The following GDPD4 variants were observed in gnomAD, a reference collection of about 807,000 sequenced individuals.
GDPD4 encodes glycerophosphodiester phosphodiesterase domain containing 4.
GDPD4 carries 60 observed loss-of-function variants against 67.8 expected under a neutral mutation model. That is an observed-to-expected ratio of 0.88 (90% CI 0.72 to 1.10). The LOEUF is 1.10. Ranked by LOEUF, GDPD4 falls within the 50% of genes least tolerant of loss-of-function variation. The probability of loss-of-function intolerance (pLI) is 0.00; values close to 1 mark genes in which losing one functional copy is unlikely to be tolerated. For synonymous variants in GDPD4, 212 were observed against 210.9 expected (o/e 1.00, Z -0.04); for missense variants, 623 against 613.9 (o/e 1.01, Z -0.16).
intron 14 of GDPD4, among the ~76,000 whole-genome samples, chr11:77,230,770 C>T (rs1054147678): frequency 6.6e-6 from 1 of 152,184 alleles, no homozygotes; most frequent in African/African-American, 2.4e-5. Flanking sequence ...CCCTACACAA[C>T]GTGACTTAGC....
chr11:77,279,193 A>G (rs891562605), intron 4 of GDPD4, 113 bp downstream of exon 4: 1 of 635,790 alleles, frequency 1.6e-6, no homozygotes, highest in African/African-American at 1.8e-5. Flanking sequence ...CTAAGACAAG[A>G]GTGATCTTAG....
At chr11:77,275,313 C>T (rs1444030286) in intron 5 of GDPD4, among the ~76,000 whole-genome samples, 1 of 152,186 alleles carries the variant, frequency 6.6e-6, no homozygotes, top group East Asian at 1.9e-4. Flanking sequence ...TGGAAATATG[C>T]TGCATGCCTG....
At chr11:77,235,007 C>CTTTTTTTTTTT (rs1406558580) in intron 13 of GDPD4, among the ~76,000 whole-genome samples, 5 of 32,938 alleles carry the variant, frequency 1.5e-4, no homozygotes, top group South Asian at 1.5e-3. Context: ...TTGTCAATAT[C>CTTTTTTTTTTT]TGTTTTTTTT....
intron 11 of GDPD4, among the ~76,000 whole-genome samples, chr11:77,256,334 T>C (rs929548041): frequency 2.0e-5 from 3 of 152,218 alleles, no homozygotes; most frequent in Non-Finnish European, 4.4e-5. Context: ...TGTCTATATA[T>C]GAGACATATT....
intron 16 of GDPD4, among the ~76,000 whole-genome samples, chr11:77,223,953 CT>C (rs1958276719): frequency 6.6e-6 from 1 of 152,186 alleles, no homozygotes; most frequent in African/African-American, 2.4e-5. Flanking sequence ...ATCTGGACTG[CT>C]GCGCTAGTGG....
At chr11:77,265,406 T>C (rs1959173662) in intron 10 of GDPD4, among the ~76,000 whole-genome samples, 2 of 152,160 alleles carry the variant, frequency 1.3e-5, no homozygotes, top group South Asian at 2.1e-4. Context: ...GAATGGATCA[T>C]CTTCTGATTT....
rs376353628 is a variant in GDPD4, at chr11:77,245,426, A to T, written c.941T>A (p.Leu314Gln). 13 of 1,614,132 alleles carry T rather than the reference A, an allele frequency of 8.1e-6. No individual in the cohort carries two copies. The African/African-American group carries it at 1.6e-4, about 20-fold the overall frequency. The change falls in exon 12 of 17, where the codon CTA (leucine) becomes CAA (glutamine). Residue 314 changes from leucine (L) to glutamine (Q), a missense_variant. Coordinates refer to ENST00000315938, the MANE Select transcript of GDPD4 (RefSeq NM_182833.3). Reference protein sequence around the residue: ...ERARNQSIPTLADLLTLAEKE... With the variant: ...ERARNQSIPTQADLLTLAEKE... Reference sequence around the variant, plus strand: ...CTCTGCAAGTGTCAATAAATCAGCTAGTGTTGGAATTGACTGATTTCTTGC... The same window carrying T: ...CTCTGCAAGTGTCAATAAATCAGCTTGTGTTGGAATTGACTGATTTCTTGC...
chr11:77,262,092 A>G (rs1959130432), intron 10 of GDPD4, among the ~76,000 whole-genome samples: 1 of 152,168 alleles, frequency 6.6e-6, no homozygotes, highest in Non-Finnish European at 1.5e-5. Context: ...GGAATGGGAA[A>G]CTGGTTTTAG....
Position 77,258,539 on chromosome 11 carries a change from A to G in GDPD4, c.711T>C (p.Tyr237=). 6.2e-7 allele frequency: 1 copy of G among 1,613,862 alleles called. No homozygotes were observed. The highest frequency in any genetic ancestry group is 1.1e-5 in the South Asian group (1 of 91,064). The change falls in exon 11 of 17, where the codon TAT becomes TAC. Residue 237 remains tyrosine (Y), a synonymous_variant. Transcript: ENST00000315938. ...HGLETDIHLS[Y]DHVPFLMHDF... is the part of the protein sequence containing the mutation. ...CATGCATGAGGAAAGGCACATGATC[A>G]TAACTGAGGCAGAGGTAGAAAAGAA...
At chr11:77,243,911 T>C (rs1023569795) in intron 12 of GDPD4, 63 bp from the exon 13 acceptor site, 9 of 1,179,444 alleles carry the variant, frequency 7.6e-6, no homozygotes, top group South Asian at 5.2e-5. Flanking sequence ...AACAGCCCCA[T>C]AGAGAATGGA....
rs927115575 is a variant in GDPD4 at position 77,290,821 on chromosome 11, A to C, written c.-253-3401T>G. Reference sequence around the variant, plus strand: ...TTAGGGAAATGCAAATCAACACCACAGTGAGACATTATCTTACCCCTGTTA... The same window carrying C: ...TTAGGGAAATGCAAATCAACACCACCGTGAGACATTATCTTACCCCTGTTA... On this transcript the variant is annotated intron_variant, in intron 1 of 16. Transcript: ENST00000315938. 3.9e-5 allele frequency among the ~76,000 whole-genome samples: 6 copies of C among 152,226 alleles called. No homozygotes were observed. The South Asian group carries it at 6.2e-4, about 16-fold the overall frequency.
At chr11:77,244,284 C>T (rs1023555351) in intron 12 of GDPD4, among the ~76,000 whole-genome samples, 6 of 152,186 alleles carry the variant, frequency 3.9e-5, no homozygotes, top group African/African-American at 1.4e-4. Context: ...CCGCCCGCCT[C>T]GGCCTCCCAA....
chr11:77,268,520 A>G lies in GDPD4; in HGVS notation c.644T>C (p.Met215Thr). ...TTCAACAGCTTTCTCAAAGGACATC[A>G]TGGTATTCTCAGGCCCCAACTGTAG... ...GAPMLGPENT[M>T]MSFEKAVEHG... Residue 215 changes from methionine to threonine, a missense_variant, in exon 10 of 17, where the codon ATG (methionine) becomes ACG (threonine). Coordinates refer to ENST00000315938, the MANE Select transcript of GDPD4 (RefSeq NM_182833.3). 6.2e-7 allele frequency: 1 copy of G among 1,612,790 alleles called. No individual in the cohort carries two copies. The highest frequency in any genetic ancestry group is 1.7e-5 in the Admixed American group (1 of 60,004).
rs928216865 is a variant in GDPD4 at position 77,227,970 on chromosome 11, C to T, written c.1473-54G>A. The T allele has an allele frequency of 3.9e-5, 45 of 1,166,562 alleles. No individual in the cohort carries two copies. The Admixed American group carries it at 7.6e-4, about 20-fold the overall frequency. The allele number at this position is 1,166,562 out of a possible 1,614,324, so 72.3% of individuals were successfully genotyped here. Reference sequence around the variant, plus strand: ...GAAGGGGTCTAAAGAATCATGGTCTCTTCTAACGTTCCTCCTCCAGGATCT... The same window carrying T: ...GAAGGGGTCTAAAGAATCATGGTCTTTTCTAACGTTCCTCCTCCAGGATCT... On this transcript the variant is annotated intron_variant, in intron 15 of 16. Coordinates refer to ENST00000315938, the MANE Select transcript of GDPD4 (RefSeq NM_182833.3).
intron 5 of GDPD4, among the ~76,000 whole-genome samples, chr11:77,275,919 A>C (rs1453761341): frequency 6.6e-6 from 1 of 152,236 alleles, no homozygotes; most frequent in Non-Finnish European, 1.5e-5. Context: ...TTTAATAGGA[A>C]GTAGTGAGAA....
chr11:77,241,084 T>C (rs1958654866), intron 13 of GDPD4, among the ~76,000 whole-genome samples: 1 of 152,214 alleles, frequency 6.6e-6, no homozygotes, highest in Admixed American at 6.5e-5. Context: ...TGAGTATATA[T>C]CCAAAGGAAG....
intron 12 of GDPD4, among the ~76,000 whole-genome samples, chr11:77,244,547 T>C (rs1958742556): frequency 6.6e-6 from 1 of 152,142 alleles, no homozygotes; most frequent in Admixed American, 6.5e-5. Flanking sequence ...ATGTTAAAAA[T>C]CATCTTTGAG....
Position 77,221,044 on chromosome 11 carries a change from G to T in GDPD4, c.1526-3730C>A, listed in dbSNP as rs1248878295. On this transcript the variant is annotated intron_variant, in intron 16 of 16. Coordinates refer to ENST00000315938, the MANE Select transcript of GDPD4 (RefSeq NM_182833.3). ...AGATTTTCTAGTTTATTTGCGTGGA[G>T]AGTTTATAGTATTCTCTGATGGTAG... is the stretch of plus-strand genomic sequence containing the variant. Among the ~76,000 whole-genome samples the T allele has an allele frequency of 2.0e-5, 3 of 152,176 alleles. No homozygotes were observed. The East Asian group carries it at 5.8e-4, about 29-fold the overall frequency.
chr11:77,235,009 G>GTTTTTTGTTTTTTTTTTTT (rs1958524952), intron 13 of GDPD4, among the ~76,000 whole-genome samples: 4 of 52,254 alleles, frequency 7.7e-5, no homozygotes, highest in African/African-American at 2.5e-4. Context: ...GTCAATATCT[G>GTTTTTTGTTTTTTTTTTTT]TTTTTTTTTT....
Sources: allele counts gnomAD v4.1 joint callset (sites outside exome capture counted in the v4.1 genomes callset), GRCh38; gene constraint gnomAD v4.1.1; transcripts MANE v1.5; gene names NCBI Gene and HGNC (gene_info 2026-07-23, HGNC 2026-07-21).